OLA1: variants seen among roughly 807,000 people sequenced by gnomAD.
OLA1 encodes the protein Obg like ATPase 1.
OLA1 carries 14 observed loss-of-function variants against 48.4 expected under a neutral mutation model. That is an observed-to-expected ratio of 0.29 (90% confidence interval 0.19 to 0.45). The LOEUF (loss-of-function observed/expected upper bound fraction) is 0.45, where lower values mean the gene tolerates loss of function less well. Among genes scored for constraint, OLA1 ranks in the 20% least tolerant of loss-of-function variants. The probability of loss-of-function intolerance (pLI) is 1.00; values close to 1 mark genes in which losing one functional copy is unlikely to be tolerated. For synonymous variants in OLA1, 127 were observed against 150.4 expected, an observed-to-expected ratio of 0.84 and a Z score of 1.14; for missense variants, 325 against 467.1, an observed-to-expected ratio of 0.70 and a Z score of 2.80.
At chr2:174,137,705 A>G (rs75239919) in intron 5 of OLA1, among the ~76,000 whole-genome samples, 8,034 of 152,304 alleles carry the variant, frequency 0.053, 288 homozygotes, top group Middle Eastern at 0.14. Flanking sequence ...CTTAAACCAC[A>G]TGAAACAACC....
intron 7 of OLA1, among the ~76,000 whole-genome samples, chr2:174,098,905 A>G (rs1685319256): frequency 6.6e-6 from 1 of 152,316 alleles, no homozygotes; most frequent in East Asian, 1.9e-4. Context: ...GCTATTAATC[A>G]GTTTTATCTG....
rs1386331211 is a variant in OLA1, at chr2:174,072,798, CA to C, written c.*2627del. 11 of 152,276 alleles carry C rather than the reference CA, an allele frequency of 7.2e-5. No individual in the cohort carries two copies. The highest frequency in any genetic ancestry group is 2.0e-4 in the Admixed American group (3 of 15,298). 9.4% of individuals were successfully genotyped at this position (152,276 alleles called of 1,614,324 possible). A position where few individuals can be genotyped will look rare whatever the true frequency, so the allele number is the denominator to read the frequency against. ...GGACTTATTCCACCAATGAAACTGG[CA>C]AGTTATAAGTGAACAGAGGCTTCAC... On this transcript the variant is annotated 3_prime_UTR_variant, in exon 11 of 11. Coordinates refer to ENST00000284719, the MANE Select transcript of OLA1 (RefSeq NM_013341.5).
At chr2:174,121,348 CA>C (rs2105366424) in intron 7 of OLA1, among the ~76,000 whole-genome samples, 1 of 152,182 alleles carries the variant, frequency 6.6e-6, no homozygotes, top group East Asian at 1.9e-4. Context: ...CAGGGATGCA[CA>C]GGGGGTAGTC....
At chr2:174,188,822 AAATT>A (rs1157514233) in intron 4 of OLA1, among the ~76,000 whole-genome samples, 1 of 152,226 alleles carries the variant, frequency 6.6e-6, no homozygotes, top group African/African-American at 2.4e-5. Flanking sequence ...AAACATAAAT[AAATT>A]TCATGTTTAG....
intron 4 of OLA1, among the ~76,000 whole-genome samples, chr2:174,168,753 A>ATATCTATCTATCTATC (rs71021675): frequency 6.9e-6 from 1 of 145,970 alleles, no homozygotes; most frequent in African/African-American, 2.6e-5. Context: ...CACAATATGT[A>ATATCTATCTATCTATC]TATCTATCTA....
At chr2:174,206,150 A>G (rs4144329) in intron 4 of OLA1, among the ~76,000 whole-genome samples, 80,668 of 152,086 alleles carry the variant, frequency 0.53, 21,966 homozygotes, top group East Asian at 0.94. Context: ...ATATAACAAC[A>G]AGTGCCTTCA....
chr2:174,077,961 A>C (rs1684784610), intron 10 of OLA1, among the ~76,000 whole-genome samples: 2 of 152,028 alleles, frequency 1.3e-5, no homozygotes, highest in Non-Finnish European at 2.9e-5. Flanking sequence ...CCATCAAAAA[A>C]TTAACAACTG....
At chr2:174,185,199 C>G (rs761758580) in intron 4 of OLA1, among the ~76,000 whole-genome samples, 2 of 152,236 alleles carry the variant, frequency 1.3e-5, no homozygotes, top group Admixed American at 6.5e-5. Flanking sequence ...AGGAAAAGAG[C>G]AACTACTAGG....
chr2:174,186,551 T>TC (rs376837646), intron 4 of OLA1, among the ~76,000 whole-genome samples: 14 of 152,168 alleles, frequency 9.2e-5, no homozygotes, highest in African/African-American at 3.1e-4. Context: ...ATACCCAGAT[T>TC]CCCCCAGGCA....
chr2:174,145,922 G>A (rs946532794), intron 4 of OLA1, among the ~76,000 whole-genome samples: 4 of 152,164 alleles, frequency 2.6e-5, no homozygotes, highest in Non-Finnish European at 4.4e-5. Flanking sequence ...CAATATGATA[G>A]AGCACGTATG....
At chr2:174,204,122 C>T (rs1688055426) in intron 4 of OLA1, among the ~76,000 whole-genome samples, 1 of 150,808 alleles carries the variant, frequency 6.6e-6, no homozygotes, top group African/African-American at 2.4e-5. Flanking sequence ...CAAATTTAGT[C>T]CAGGCGCAGT....
chr2:174,075,986 G>A (rs1684727241), intron 10 of OLA1, among the ~76,000 whole-genome samples: 1 of 152,192 alleles, frequency 6.6e-6, no homozygotes. Flanking sequence ...TTGGTATAAG[G>A]AAAATTATGA....
rs1040473663 is a variant in OLA1 at position 174,073,435 on chromosome 2, T to C, written c.*1991A>G. On this transcript the variant is annotated 3_prime_UTR_variant, in exon 11 of 11. Transcript: ENST00000284719. ...AAACGTTTAGATATAGGCATATATATGATTATATGTAACAGTTCTTGGAAT... is the reference window on the plus strand; with the variant it reads ...AAACGTTTAGATATAGGCATATATACGATTATATGTAACAGTTCTTGGAAT... The C allele has an allele frequency of 3.3e-5, 5 of 152,210 alleles. No homozygotes were observed. Among genetic ancestry groups the C allele is most frequent in the African/African-American group, 1.2e-4 (5 of 41,460 alleles). 9.4% of individuals were successfully genotyped at this position (152,210 alleles called of 1,614,324 possible).
chr2:174,126,226 C>T (rs920818473), intron 5 of OLA1, among the ~76,000 whole-genome samples: 2 of 151,868 alleles, frequency 1.3e-5, no homozygotes, highest in Non-Finnish European at 2.9e-5. Flanking sequence ...GGATATAATA[C>T]TTATTGGTTG....
intron 4 of OLA1, among the ~76,000 whole-genome samples, chr2:174,189,154 T>C (rs1039629111): frequency 1.3e-5 from 2 of 151,934 alleles, no homozygotes; most frequent in African/African-American, 4.8e-5. Flanking sequence ...TCAAAAAACA[T>C]AAAAAGGTAG....
intron 1 of OLA1, chr2:174,247,984 C>CCCAGCGTGGTCCTAGG: frequency 3.6e-6 from 2 of 548,794 alleles, no homozygotes; most frequent in Non-Finnish European, 6.3e-6. Flanking sequence ...CTCCTAGGAC[C>CCCAGCGTGGTCCTAGG]ACGCTGGGGC....
chr2:174,115,853 C>A (rs560360161), intron 7 of OLA1, among the ~76,000 whole-genome samples: 2 of 152,280 alleles, frequency 1.3e-5, no homozygotes, highest in East Asian at 3.9e-4. Flanking sequence ...CGGTCCTAAT[C>A]ATTCCCTGCA....
At chr2:174,210,173 T>C (rs958758399) in intron 4 of OLA1, among the ~76,000 whole-genome samples, 4 of 152,138 alleles carry the variant, frequency 2.6e-5, no homozygotes, top group Non-Finnish European at 5.9e-5. Flanking sequence ...GTCATAGGAT[T>C]TCACTTTCTA....
At chr2:174,092,935 C>G (rs16862348) in intron 7 of OLA1, among the ~76,000 whole-genome samples, 8 of 152,148 alleles carry the variant, frequency 5.3e-5, no homozygotes, top group African/African-American at 1.9e-4. Context: ...AAGTCTGAAC[C>G]GTCAAGCTAC....
Sources: allele counts gnomAD v4.1 joint callset (sites outside exome capture counted in the v4.1 genomes callset), GRCh38; gene constraint gnomAD v4.1.1; transcripts MANE v1.5; gene names NCBI Gene and HGNC (gene_info 2026-07-23, HGNC 2026-07-21).